Variants in IGSF11 observed in about 807,000 individuals in gnomAD.
IGSF11 encodes immunoglobulin superfamily member 11, also known as CXADR like 1.
A neutral mutation model predicts 41.0 loss-of-function variants in IGSF11; 22 were observed. That is an observed-to-expected ratio of 0.54 (90% CI 0.38 to 0.77). The LOEUF is 0.77. IGSF11 is among the 30% of genes least tolerant of loss of function. The pLI, the probability that IGSF11 is intolerant of heterozygous loss-of-function variation, is 0.00. For missense variants in IGSF11, 444 were observed against 530.8 expected, an observed-to-expected ratio of 0.84 and a Z score of 1.61; for synonymous variants, 219 against 201.3, an observed-to-expected ratio of 1.09 and a Z score of -0.74.
intron 1 of IGSF11, among the ~76,000 whole-genome samples, chr3:118,963,760 T>C (rs1945492043): frequency 6.6e-6 from 1 of 152,000 alleles, no homozygotes; most frequent in Non-Finnish European, 1.5e-5. Context: ...AAATAAAGAG[T>C]CAATGTTTCT....
intron 1 of IGSF11, among the ~76,000 whole-genome samples, chr3:119,114,950 C>T (rs555772507): frequency 8.1e-4 from 123 of 152,148 alleles, no homozygotes; most frequent in Non-Finnish European, 1.5e-3. Context: ...GGGAAGCAGA[C>T]ATGTCCTACA....
Position 119,125,674 on chromosome 3 carries a change from T to G in IGSF11, c.-14+20139A>C, listed in dbSNP as rs1398262233. Among the ~76,000 whole-genome samples, 4 of 151,814 alleles carry G rather than the reference T, an allele frequency of 2.6e-5. No homozygotes were observed. The South Asian group carries it at 8.4e-4, about 32-fold the overall frequency. On this transcript the variant is annotated intron_variant, in intron 1 of 7. Transcript: ENST00000425327. ...AGCTCAGAGGACTTTACAGCTCCCA[T>G]CAAAAAAAATCATAATACGCCTGTG...
chr3:118,908,719 T>G (rs1939904505), intron 4 of IGSF11, among the ~76,000 whole-genome samples: 1 of 152,242 alleles, frequency 6.6e-6, no homozygotes, highest in African/African-American at 2.4e-5. Context: ...CAGCTACGTA[T>G]CTGGCACAGA....
At chr3:119,135,919 T>C (rs993868599) in intron 1 of IGSF11, among the ~76,000 whole-genome samples, 5 of 152,086 alleles carry the variant, frequency 3.3e-5, no homozygotes, top group Non-Finnish European at 7.4e-5. Context: ...TGCAGGGAAA[T>C]GGATGAAGAT....
At chr3:119,047,642 A>T in intron 1 of IGSF11, among the ~76,000 whole-genome samples, 2 of 152,142 alleles carry the variant, frequency 1.3e-5, no homozygotes, top group East Asian at 1.9e-4. Flanking sequence ...CTGCACCAAG[A>T]GGACGTAATA....
At chr3:119,016,100 G>A (rs185688945) in intron 1 of IGSF11, among the ~76,000 whole-genome samples, 1 of 152,328 alleles carries the variant, frequency 6.6e-6, no homozygotes, top group Admixed American at 6.5e-5. Flanking sequence ...GAGGCAGCAT[G>A]GGAAAAGAAC....
chr3:118,903,480 G>A (rs983838483), intron 6 of IGSF11, among the ~76,000 whole-genome samples: 1 of 151,986 alleles, frequency 6.6e-6, no homozygotes, highest in Admixed American at 6.6e-5. Flanking sequence ...TCAAACTATA[G>A]GTATGCAGAA....
In IGSF11 at chr3:119,034,812, T is replaced by C. The variant is rs1284300561; in HGVS notation, c.-230A>G. The C allele has an allele frequency of 3.2e-6, 4 of 1,256,144 alleles. No individual in the cohort carries two copies. The African/African-American group carries it at 4.7e-5, about 15-fold the overall frequency. The allele number at this position is 1,256,144 out of a possible 1,614,324, so 77.8% of individuals were successfully genotyped here. ...AGCTGTGACCAGAGGCGTTCCGGGC[T>C]CGCCAGCCGTGCCACCCAGCCCTGC... On this transcript the variant is annotated 5_prime_UTR_variant, in exon 1 of 7. Transcript: ENST00000393775.
intron 1 of IGSF11, among the ~76,000 whole-genome samples, chr3:119,110,453 C>G (rs1381813309): frequency 6.6e-6 from 1 of 152,176 alleles, no homozygotes; most frequent in Non-Finnish European, 1.5e-5. Context: ...GTAGATCTTC[C>G]TCCACCCTTT....
At chr3:119,131,094 G>T (rs1458623925) in intron 1 of IGSF11, among the ~76,000 whole-genome samples, 1 of 152,196 alleles carries the variant, frequency 6.6e-6, no homozygotes, top group Non-Finnish European at 1.5e-5. Flanking sequence ...AAGATGGAGA[G>T]AAATCAGAGC....
chr3:118,986,695 C>G (rs1345009269), intron 1 of IGSF11, among the ~76,000 whole-genome samples: 1 of 152,034 alleles, frequency 6.6e-6, no homozygotes, highest in African/African-American at 2.4e-5. Flanking sequence ...GATAGTAAAC[C>G]CTTCCAGGAT....
chr3:118,909,315 AATGG>A (rs1430283660), intron 4 of IGSF11, among the ~76,000 whole-genome samples: 1 of 152,146 alleles, frequency 6.6e-6, no homozygotes, highest in Non-Finnish European at 1.5e-5. Flanking sequence ...GCTATATAAT[AATGG>A]ATGTATACTT....
chr3:118,929,286 A>G (rs559488997), intron 2 of IGSF11, among the ~76,000 whole-genome samples: 1 of 152,366 alleles, frequency 6.6e-6, no homozygotes, highest in African/African-American at 2.4e-5. Flanking sequence ...AAATGTGTTT[A>G]GTAACTCTAC....
chr3:119,002,436 G>C (rs1937000248), intron 1 of IGSF11, among the ~76,000 whole-genome samples: 1 of 148,798 alleles, frequency 6.7e-6, no homozygotes, highest in Non-Finnish European at 1.5e-5. Context: ...TGTTCACTCT[G>C]ATGGTACTTT....
At chr3:119,138,848 G>A (rs2077599787) in intron 1 of IGSF11, among the ~76,000 whole-genome samples, 1 of 152,198 alleles carries the variant, frequency 6.6e-6, no homozygotes. Flanking sequence ...CTAGAGAGTA[G>A]AAGGATGGTT....
chr3:118,917,370 TA>T, intron 4 of IGSF11, among the ~76,000 whole-genome samples: 1 of 147,172 alleles, frequency 6.8e-6, no homozygotes, highest in African/African-American at 2.6e-5. Flanking sequence ...GCAAGACTAA[TA>T]AAGAAAAAAA....
At chr3:118,942,038 T>A (rs1943734531) in intron 1 of IGSF11, among the ~76,000 whole-genome samples, 1 of 152,130 alleles carries the variant, frequency 6.6e-6, no homozygotes, top group South Asian at 2.1e-4. Flanking sequence ...GTTACAGAAA[T>A]AGTGTACATC....
At chr3:119,107,274 A>G (rs2077048247), upstream of IGSF11, among the ~76,000 whole-genome samples, 1 of 152,158 alleles carries the variant, frequency 6.6e-6, no homozygotes, top group Non-Finnish European at 1.5e-5. Flanking sequence ...TTCAATGATC[A>G]CCATTCTAAC....
intron 1 of IGSF11, among the ~76,000 whole-genome samples, chr3:118,975,993 C>T (rs1418462468): frequency 1.3e-5 from 2 of 151,976 alleles, no homozygotes; most frequent in Non-Finnish European, 2.9e-5. Context: ...AACAAAGTTG[C>T]ACAGGTACCC....
Sources: allele counts gnomAD v4.1 joint callset (sites outside exome capture counted in the v4.1 genomes callset), GRCh38; gene constraint gnomAD v4.1.1; transcripts MANE v1.5; gene names NCBI Gene and HGNC (gene_info 2026-07-23, HGNC 2026-07-21).